RAB3C: variants seen among roughly 807,000 people sequenced by gnomAD.
RAB3C encodes ras-related protein Rab-3C.
A neutral mutation model predicts 26.4 loss-of-function variants in RAB3C; 17 were observed. The observed-to-expected ratio is 0.64, with a 90% CI of 0.44 to 0.97. The LOEUF (loss-of-function observed/expected upper bound fraction) is 0.97. Ranked by LOEUF, RAB3C falls within the 50% of genes least tolerant of loss-of-function variation. RAB3C has a pLI of 0.00. For missense variants in RAB3C, 242 were observed against 281.9 expected (o/e 0.86, Z 1.01); for synonymous variants, 91 against 95.9 (o/e 0.95, Z 0.30).
rs373146222 is a variant in RAB3C at position 58,584,385 on chromosome 5, T to C, written c.24+1153T>C. On this transcript the variant is annotated intron_variant, in intron 1 of 4. Transcript: ENST00000282878. ...GATTATATAAGGGAAGTCCTCAAAT[T>C]ACCTATGAGTTATTGAAAATTTGAT... is the stretch of plus-strand genomic sequence containing the variant. Among the ~76,000 whole-genome samples, 3 of 152,328 alleles carry C rather than the reference T, an allele frequency of 2.0e-5. No homozygotes were observed. The East Asian group carries it at 5.8e-4, about 29-fold the overall frequency.
chr5:58,721,963 CCT>C (rs752489432), intron 2 of RAB3C, among the ~76,000 whole-genome samples: 46 of 151,404 alleles, frequency 3.0e-4, no homozygotes, highest in Non-Finnish European at 4.7e-4. Context: ...CTGGTTTTTC[CCT>C]CTCTCTTTTT....
chr5:58,666,736 T>C (rs931526950), intron 2 of RAB3C, among the ~76,000 whole-genome samples: 3 of 152,186 alleles, frequency 2.0e-5, no homozygotes, highest in Admixed American at 6.6e-5. Context: ...AAGGCCTGCA[T>C]CTTCCCCAGG....
chr5:58,640,928 A>T (rs1747401138), intron 2 of RAB3C, among the ~76,000 whole-genome samples: 1 of 152,072 alleles, frequency 6.6e-6, no homozygotes, highest in Admixed American at 6.6e-5. Context: ...GGTATTTTGT[A>T]CTCTTGTTTT....
At chr5:58,708,384 C>T (rs1748992195) in intron 2 of RAB3C, among the ~76,000 whole-genome samples, 1 of 152,178 alleles carries the variant, frequency 6.6e-6, no homozygotes, top group Non-Finnish European at 1.5e-5. Flanking sequence ...TGAAATAATT[C>T]ACCAGGCTGA....
chr5:58,609,440 G>A (rs1375166009), intron 1 of RAB3C, among the ~76,000 whole-genome samples: 1 of 152,124 alleles, frequency 6.6e-6, no homozygotes, highest in Non-Finnish European at 1.5e-5. Flanking sequence ...GATGCTAATG[G>A]TTGAACTAGT....
At chr5:58,667,821 T>A (rs570228737) in intron 2 of RAB3C, among the ~76,000 whole-genome samples, 20 of 152,322 alleles carry the variant, frequency 1.3e-4, no homozygotes, top group Middle Eastern at 6.8e-3. Flanking sequence ...TTTTATTTAC[T>A]TTAACCTGAC....
chr5:58,637,583 A>C (rs1747316047), intron 2 of RAB3C, among the ~76,000 whole-genome samples: 1 of 152,166 alleles, frequency 6.6e-6, no homozygotes, highest in African/African-American at 2.4e-5. Context: ...GAAAGATAAA[A>C]ATTTTTAAAA....
intron 1 of RAB3C, among the ~76,000 whole-genome samples, chr5:58,613,893 T>C (rs1208087565): frequency 6.6e-6 from 1 of 152,050 alleles, no homozygotes; most frequent in Non-Finnish European, 1.5e-5. Flanking sequence ...AGAAAGCTTA[T>C]GGAGCCCGAG....
chr5:58,598,925 A>G (rs1233098194), intron 1 of RAB3C, among the ~76,000 whole-genome samples: 3 of 152,180 alleles, frequency 2.0e-5, no homozygotes, highest in Non-Finnish European at 2.9e-5. Context: ...AAGAAGAAGA[A>G]TATCAAAGAT....
chr5:58,791,555 A>G (rs550137646), intron 3 of RAB3C, among the ~76,000 whole-genome samples: 6 of 152,370 alleles, frequency 3.9e-5, no homozygotes, highest in African/African-American at 1.4e-4. Flanking sequence ...AAGAGGAGAT[A>G]TAAAATAAAT....
At chr5:58,725,382 T>G (rs535128490) in intron 2 of RAB3C, among the ~76,000 whole-genome samples, 3 of 151,898 alleles carry the variant, frequency 2.0e-5, no homozygotes, top group African/African-American at 7.2e-5. Flanking sequence ...CTTTGAGAGT[T>G]TGACTATTAT....
intron 3 of RAB3C, among the ~76,000 whole-genome samples, chr5:58,809,774 G>A (rs1743029353): frequency 6.6e-6 from 1 of 152,104 alleles, no homozygotes; most frequent in Admixed American, 6.6e-5. Context: ...TCCCTCACCA[G>A]GAACTGAATC....
chr5:58,595,262 G>T (rs1160051207), intron 1 of RAB3C, among the ~76,000 whole-genome samples: 2 of 152,124 alleles, frequency 1.3e-5, no homozygotes, highest in Non-Finnish European at 2.9e-5. Flanking sequence ...GAAGGTTCTG[G>T]CTTTTACCAG....
chr5:58,770,178 A>G (rs1466897303), intron 3 of RAB3C, among the ~76,000 whole-genome samples: 3 of 152,196 alleles, frequency 2.0e-5, no homozygotes, highest in Non-Finnish European at 4.4e-5. Context: ...TGGCTCAGTG[A>G]TGTTGCAGTA....
intron 3 of RAB3C, among the ~76,000 whole-genome samples, chr5:58,753,885 T>A (rs1322894155): frequency 2.0e-5 from 3 of 152,196 alleles, no homozygotes; most frequent in African/African-American, 7.2e-5. Flanking sequence ...TGCCTTCTAA[T>A]GTCTCCAAAC....
intron 2 of RAB3C, among the ~76,000 whole-genome samples, chr5:58,632,111 C>G (rs764118224): frequency 6.6e-6 from 1 of 152,200 alleles, no homozygotes; most frequent in South Asian, 2.1e-4. Flanking sequence ...GGGAGGCACT[C>G]AAGTTTGCAG....
intron 2 of RAB3C, among the ~76,000 whole-genome samples, chr5:58,684,260 T>C: frequency 6.6e-6 from 1 of 152,252 alleles, no homozygotes; most frequent in East Asian, 1.9e-4. Flanking sequence ...ATGCGAATAC[T>C]ATGCCATTTT....
chr5:58,679,514 T>C (rs1420385981), intron 2 of RAB3C, among the ~76,000 whole-genome samples: 2 of 152,228 alleles, frequency 1.3e-5, no homozygotes, highest in Non-Finnish European at 2.9e-5. Flanking sequence ...AACATGGTAA[T>C]TCTGTAGATC....
At chr5:58,661,724 C>T (rs1405463993) in intron 2 of RAB3C, among the ~76,000 whole-genome samples, 3 of 147,956 alleles carry the variant, frequency 2.0e-5, no homozygotes, top group Non-Finnish European at 4.4e-5. Context: ...AATCCATTAA[C>T]CCTATTTCTA....
Sources: allele counts gnomAD v4.1 joint callset (sites outside exome capture counted in the v4.1 genomes callset), GRCh38; gene constraint gnomAD v4.1.1; transcripts MANE v1.5; gene names NCBI Gene and HGNC (gene_info 2026-07-23, HGNC 2026-07-21).